The following HCN4 variants were observed in gnomAD, a reference collection of about 807,000 sequenced individuals.
HCN4 encodes the protein hyperpolarization activated cyclic nucleotide gated potassium channel 4.
HCN4 carries 29 observed loss-of-function variants against 76.9 expected under a neutral mutation model. That is an observed-to-expected ratio of 0.38 (90% CI 0.28 to 0.51). The LOEUF (loss-of-function observed/expected upper bound fraction) is 0.51. HCN4 is among the 20% of genes least tolerant of loss of function. The pLI is 0.90. For synonymous variants in HCN4, 772 were observed against 762.5 expected, an observed-to-expected ratio of 1.01 and a Z score of -0.21; for missense variants, 1,416 against 1,715.2, an observed-to-expected ratio of 0.83 and a Z score of 3.08.
At chr15:73,336,535 T>C (rs2042966594) in intron 2 of HCN4, among the ~76,000 whole-genome samples, 1 of 152,108 alleles carries the variant, frequency 6.6e-6, no homozygotes, top group African/African-American at 2.4e-5. Context: ...TCTCGGTCTA[T>C]CTCTACGTGG....
At chr15:73,324,707 C>G (rs1444436425) in intron 6 of HCN4, among the ~76,000 whole-genome samples, 1 of 152,150 alleles carries the variant, frequency 6.6e-6, no homozygotes, top group Admixed American at 6.5e-5. Context: ...CATGCTGGCC[C>G]CCTCAGCTCA....
intron 1 of HCN4, among the ~76,000 whole-genome samples, chr15:73,351,396 C>G (rs1359927102): frequency 1.3e-5 from 2 of 152,218 alleles, no homozygotes; most frequent in Non-Finnish European, 2.9e-5. Flanking sequence ...ATGTCTACAA[C>G]TGGATGTCCC....
At chr15:73,326,419 C>G (rs1366233796) in intron 4 of HCN4, among the ~76,000 whole-genome samples, 1 of 152,170 alleles carries the variant, frequency 6.6e-6, no homozygotes, top group Non-Finnish European at 1.5e-5. Flanking sequence ...TCTGACTGCT[C>G]CAAGTTATGC....
intron 1 of HCN4, among the ~76,000 whole-genome samples, chr15:73,354,987 T>C (rs558970230): frequency 6.6e-6 from 1 of 152,200 alleles, no homozygotes; most frequent in Admixed American, 6.5e-5. Context: ...AGTAAGAGGG[T>C]TGATGCAGAA....
At position 73,367,935 on chromosome 15, in the gene HCN4, G is replaced by A. The variant is rs1424376066; in HGVS notation, c.336C>T (p.Gly112=). The A allele has an allele frequency of 3.7e-6, 5 of 1,355,020 alleles. No homozygotes were observed. The highest frequency in any genetic ancestry group is 4.7e-6 in the Non-Finnish European group (5 of 1,057,898). 83.9% of individuals were successfully genotyped at this position (1,355,020 alleles called of 1,614,324 possible). Residue 112 remains glycine, a synonymous_variant, in exon 1 of 8, where the codon GGC becomes GGT. Transcript: ENST00000261917. This position sits in a 1 kb window ranked among gnomAD's most constrained non-coding sequence, Gnocchi z 7.5. ...SLGSRGGGSG[G]TGSGSSHGHL... ...GTCCGTGACTGCTGCCGCTCCCCGT[G>A]CCGCCGCTGCCGCCGCCCCGGCTGC...
intron 1 of HCN4, among the ~76,000 whole-genome samples, chr15:73,351,092 A>C (rs2043053428): frequency 6.6e-6 from 1 of 152,184 alleles, no homozygotes; most frequent in South Asian, 2.1e-4. Flanking sequence ...CTTTAGCATC[A>C]TCTGGTCCTG....
intron 2 of HCN4, among the ~76,000 whole-genome samples, chr15:73,334,650 C>T (rs1356791287): frequency 1.3e-5 from 2 of 151,926 alleles, no homozygotes; most frequent in African/African-American, 4.8e-5. Context: ...GGTCTCAGAG[C>T]CGGCCATCCT....
rs1214785817 is a variant in HCN4 at position 73,367,780 on chromosome 15, G to A, written c.491C>T (p.Ser164Leu). The A allele has an allele frequency of 6.8e-7, 1 of 1,471,662 alleles. No individual in the cohort carries two copies. The highest frequency in any genetic ancestry group is 8.9e-7 in the Non-Finnish European group (1 of 1,117,618). 91.2% of individuals were successfully genotyped at this position (1,471,662 alleles called of 1,614,324 possible). Residue 164 changes from serine to leucine, a missense_variant, in exon 1 of 8, where the codon TCG (serine) becomes TTG (leucine). By Grantham distance (145) the Ser-to-Leu change is moderately radical (BLOSUM62 -2). Transcript: ENST00000261917. The surrounding 1 kb of genome is among the most constrained non-coding windows in gnomAD (Gnocchi z 7.5). ...RPGASAQPAASPPPPQQPPQP... is the reference protein window; with the variant it reads ...RPGASAQPAALPPPPQQPPQP... ...CGGTGGCTGCTGGGGCGGCGGCGGC[G>A]AGGCTGCGGGCTGCGCCGAGGCGCC... is the stretch of plus-strand genomic sequence containing the variant.
intron 2 of HCN4, among the ~76,000 whole-genome samples, chr15:73,337,204 T>A (rs1011982951): frequency 1.3e-5 from 2 of 152,244 alleles, no homozygotes; most frequent in African/African-American, 4.8e-5. Context: ...TCACTGTGAC[T>A]CTTTGCCCTG....
At position 73,368,209 on chromosome 15, in the gene HCN4, GC is replaced by G; in HGVS notation, c.61del (p.Ala21ProfsTer211). 6.5e-7 allele frequency: 1 copy of G among 1,531,066 alleles called. No individual in the cohort carries two copies. The highest frequency in any genetic ancestry group is 8.8e-7 in the Non-Finnish European group (1 of 1,140,864). 94.8% of individuals were successfully genotyped at this position (1,531,066 alleles called of 1,614,324 possible). On this transcript the variant is annotated frameshift_variant, in exon 1 of 8. Coordinates refer to ENST00000261917, the MANE Select transcript of HCN4 (RefSeq NM_005477.3). LOFTEE classifies it high-confidence loss of function. The surrounding 1 kb of genome is among the most constrained non-coding windows in gnomAD (Gnocchi z 6.9). Reference sequence around the variant, plus strand: ...TTCCTCGTCCATGATCCACGCCTTGGCCCCCACCTGCTGCGGGAGGCTGTAG... The same window carrying G: ...TTCCTCGTCCATGATCCACGCCTTGGCCCCACCTGCTGCGGGAGGCTGTAG... ...RLYSLPQQVGAKAWIMDEEED... is the reference protein window; with the variant it reads ...RLYSLPQQVGXKAWIMDEEED...
At chr15:73,353,164 A>G (rs1251975112) in intron 1 of HCN4, among the ~76,000 whole-genome samples, 1 of 152,100 alleles carries the variant, frequency 6.6e-6, no homozygotes, top group Admixed American at 6.5e-5. Context: ...ATATATCGTG[A>G]CTCTGAGTTT....
chr15:73,343,956 G>A lies in HCN4; in HGVS notation c.786-148C>T. 1 of 767,222 alleles carries A rather than the reference G, an allele frequency of 1.3e-6. No individual in the cohort carries two copies. 47.5% of individuals were successfully genotyped at this position (767,222 alleles called of 1,614,324 possible). ...GACAGGCACATGGGTACCAGGGCAA[G>A]ATGTGGAGATTGGCACAGGGAATGA... On this transcript the variant is annotated intron_variant, in intron 1 of 7. Coordinates refer to ENST00000261917, the MANE Select transcript of HCN4 (RefSeq NM_005477.3). This position sits in a 1 kb window ranked among gnomAD's most constrained non-coding sequence, Gnocchi z 5.7.
Position 73,340,279 on chromosome 15 carries a change from A to C in HCN4, c.1209+3106T>G, listed in dbSNP as rs947183435. On this transcript the variant is annotated intron_variant, in intron 2 of 7. Coordinates refer to ENST00000261917, the MANE Select transcript of HCN4 (RefSeq NM_005477.3). ...CACTGGCATCTCTGCCAACTCCTAC[A>C]AAAGACCACAGCCCTCAGGCCCTGG... 2.0e-5 allele frequency among the ~76,000 whole-genome samples: 3 copies of C among 152,110 alleles called. No homozygotes were observed. In the South Asian group the frequency reaches 6.2e-4, roughly 31 times the overall value.
intron 1 of HCN4, among the ~76,000 whole-genome samples, chr15:73,362,270 A>G (rs1008109506): frequency 3.9e-5 from 6 of 152,206 alleles, no homozygotes; most frequent in South Asian, 2.1e-4. Flanking sequence ...GATAGAGGCC[A>G]CAGGCTCTGA....
intron 2 of HCN4, among the ~76,000 whole-genome samples, chr15:73,334,317 C>T (rs1350302901): frequency 6.6e-6 from 1 of 152,104 alleles, no homozygotes; most frequent in Non-Finnish European, 1.5e-5. Flanking sequence ...GGACACAGAG[C>T]AGATCTGATT....
At chr15:73,349,642 C>T (rs1353117521) in intron 1 of HCN4, among the ~76,000 whole-genome samples, 1 of 152,150 alleles carries the variant, frequency 6.6e-6, no homozygotes, top group African/African-American at 2.4e-5. Context: ...CACTCCCAGA[C>T]CCCACTGCCT....
intron 3 of HCN4, among the ~76,000 whole-genome samples, chr15:73,330,037 G>A (rs936337084): frequency 2.6e-5 from 4 of 152,206 alleles, no homozygotes; most frequent in Non-Finnish European, 2.9e-5. Flanking sequence ...GTAAAGGTAC[G>A]GGAGCCAGCG....
rs775597851 is a variant in HCN4, at chr15:73,323,782, G to A, written c.2311C>T (p.Pro771Ser). The A allele has an allele frequency of 6.2e-7, 1 of 1,608,118 alleles. No individual in the cohort carries two copies. Among genetic ancestry groups the A allele is most frequent in the South Asian group, 1.1e-5 (1 of 91,042 alleles). Residue 771 changes from proline to serine, a missense_variant, in exon 8 of 8, where the codon CCC becomes TCC. Around this residue, in one of 6 missense-constraint regions of HCN4, gnomAD observed 241 missense variants for 379.4 expected, o/e 0.64. Transcript: ENST00000261917. ...AAASATPTPT[P>S]VIWTPLIQAP... The stretch of plus-strand genomic sequence containing the variant: ...TGGATCAGCGGGGTCCAGATGACGG[G>A]CGTGGGGGTTGGGGTGGCAGAGGCA...
chr15:73,340,658 A>G (rs974784041), intron 2 of HCN4, among the ~76,000 whole-genome samples: 8 of 152,220 alleles, frequency 5.3e-5, no homozygotes, highest in Non-Finnish European at 8.8e-5. Context: ...AGGCACCTCC[A>G]ACTCAACCTG....
Sources: gnomAD v4.1 joint callset for allele counts (sites outside exome capture counted in the v4.1 genomes callset) on GRCh38, gnomAD v4.1.1 for gene constraint, gnomAD v4.1.1 regional missense constraint, Gnocchi (gnomAD v3.1) non-coding constraint, MANE v1.5 for transcripts, NCBI Gene and HGNC (gene_info 2026-07-23, HGNC 2026-07-21) for gene names.